Variants in PRKD1 observed in about 807,000 individuals in gnomAD.
PRKD1 encodes the protein protein kinase D1.
Under a neutral mutation model 95.9 loss-of-function variants are expected in PRKD1, and 63 were observed. The observed-to-expected ratio is 0.66, with a 90% CI of 0.54 to 0.81. The LOEUF is 0.81. Among genes scored for constraint, PRKD1 ranks in the 30% least tolerant of loss-of-function variants. PRKD1 has a pLI of 0.00. For missense variants in PRKD1, 1,048 were observed against 1,165.3 expected (o/e 0.90, Z 1.47); for synonymous variants, 425 against 423.1 (o/e 1.00, Z -0.05).
At chr14:29,677,043 A>G (rs1457671584) in intron 2 of PRKD1, among the ~76,000 whole-genome samples, 1 of 152,232 alleles carries the variant, frequency 6.6e-6, no homozygotes, top group Non-Finnish European at 1.5e-5. Flanking sequence ...GATTCCAGAA[A>G]GTTGAACTGG....
At chr14:29,737,813 C>G (rs1055346844) in intron 1 of PRKD1, among the ~76,000 whole-genome samples, 1 of 152,310 alleles carries the variant, frequency 6.6e-6, no homozygotes, top group Admixed American at 6.5e-5. Context: ...AGAACCAAGA[C>G]AGCAATCATA....
intron 1 of PRKD1, among the ~76,000 whole-genome samples, chr14:29,887,500 T>A (rs972876589): frequency 6.6e-6 from 1 of 152,184 alleles, no homozygotes; most frequent in African/African-American, 2.4e-5. Context: ...AGCACTAATC[T>A]ATAGAAGAAA....
chr14:29,744,095 G>T (rs958486921), intron 1 of PRKD1, among the ~76,000 whole-genome samples: 1 of 152,068 alleles, frequency 6.6e-6, no homozygotes, highest in Non-Finnish European at 1.5e-5. Context: ...TTATACTCGG[G>T]TGACACAAAT....
In PRKD1 at chr14:29,600,978, T is replaced by A. The variant is rs1252318499; in HGVS notation, c.1906-1161A>T. Among the ~76,000 whole-genome samples, 3 of 151,796 alleles carry A rather than the reference T, an allele frequency of 2.0e-5. No homozygotes were observed. The East Asian group carries it at 5.8e-4, about 29-fold the overall frequency. On this transcript the variant is annotated intron_variant, in intron 13 of 17. Transcript: ENST00000331968. ...ATGAGCAAGAGAAGAAAAATCATCA[T>A]GAACAAAAACCACCTAAACAAAAAA...
chr14:29,782,905 A>G (rs1469445768), intron 1 of PRKD1, among the ~76,000 whole-genome samples: 1 of 152,206 alleles, frequency 6.6e-6, no homozygotes, highest in Non-Finnish European at 1.5e-5. Context: ...ATTGATATGT[A>G]ATATTGTACA....
intron 1 of PRKD1, among the ~76,000 whole-genome samples, chr14:29,866,440 T>G (rs1187135791): frequency 6.6e-6 from 1 of 152,226 alleles, no homozygotes; most frequent in Non-Finnish European, 1.5e-5. Context: ...ATTTTCCCCA[T>G]GTCTTTCCTA....
chr14:29,753,971 G>C (rs1042454048), intron 1 of PRKD1, among the ~76,000 whole-genome samples: 29 of 152,144 alleles, frequency 1.9e-4, no homozygotes, highest in African/African-American at 6.0e-4. Context: ...CTGAGTTACA[G>C]TATTCATTTA....
intron 2 of PRKD1, among the ~76,000 whole-genome samples, chr14:29,666,837 T>G (rs2139221206): frequency 6.6e-6 from 1 of 152,264 alleles, no homozygotes; most frequent in South Asian, 2.1e-4. Flanking sequence ...ATACATACGC[T>G]GGTGAACTGC....
At chr14:29,863,979 C>G (rs1464332123) in intron 1 of PRKD1, among the ~76,000 whole-genome samples, 1 of 151,824 alleles carries the variant, frequency 6.6e-6, no homozygotes, top group African/African-American at 2.4e-5. Context: ...TTATGGTAAA[C>G]CTGAAGTTAA....
chr14:29,913,545 T>G (rs1048193452), intron 1 of PRKD1, among the ~76,000 whole-genome samples: 4 of 152,150 alleles, frequency 2.6e-5, no homozygotes, highest in African/African-American at 9.7e-5. Flanking sequence ...CTCAAAGAAT[T>G]GAAAAAAAGG....
intron 1 of PRKD1, among the ~76,000 whole-genome samples, chr14:29,897,974 T>C (rs1894190735): frequency 6.6e-6 from 1 of 152,036 alleles, no homozygotes; most frequent in South Asian, 2.1e-4. Context: ...AAAGAAAATG[T>C]TATATATTAT....
intron 1 of PRKD1, among the ~76,000 whole-genome samples, chr14:29,728,324 G>C (rs370157505): frequency 1.3e-4 from 20 of 152,240 alleles, no homozygotes; most frequent in African/African-American, 4.6e-4. Context: ...ATTGATATAA[G>C]TGGATAAATC....
At chr14:29,600,322 CT>C (rs1893470300) in intron 13 of PRKD1, among the ~76,000 whole-genome samples, 1 of 152,006 alleles carries the variant, frequency 6.6e-6, no homozygotes, top group Admixed American at 6.6e-5. Flanking sequence ...GACAGAAACT[CT>C]TATACTAAGT....
At chr14:29,605,407 C>T (rs1566480837) in intron 13 of PRKD1, among the ~76,000 whole-genome samples, 1 of 152,068 alleles carries the variant, frequency 6.6e-6, no homozygotes, top group Non-Finnish European at 1.5e-5. Context: ...TTTTGCCACC[C>T]TAAAACCATT....
At chr14:29,922,300 C>CA (rs749652649) in intron 1 of PRKD1, among the ~76,000 whole-genome samples, 7,599 of 73,342 alleles carry the variant, frequency 0.1, 690 homozygotes, top group African/African-American at 0.3. Context: ...GACTCCATCT[C>CA]AAAAAAAAAA....
At chr14:29,611,744 AC>A (rs1203839222) in intron 13 of PRKD1, among the ~76,000 whole-genome samples, 1 of 105,608 alleles carries the variant, frequency 9.5e-6, no homozygotes, top group African/African-American at 2.9e-5. Context: ...GTGAATTATT[AC>A]CAAAAAAAAA....
chr14:29,766,540 T>A (rs1032160000), intron 1 of PRKD1, among the ~76,000 whole-genome samples: 2 of 152,232 alleles, frequency 1.3e-5, no homozygotes, highest in Non-Finnish European at 2.9e-5. Flanking sequence ...ACAGTGCTGA[T>A]AATATGTTAA....
intron 1 of PRKD1, among the ~76,000 whole-genome samples, chr14:29,803,473 T>A (rs1277119439): frequency 6.6e-6 from 1 of 152,214 alleles, no homozygotes; most frequent in African/African-American, 2.4e-5. Flanking sequence ...ATTAGCATAC[T>A]CAACTTGTTA....
chr14:29,717,195 T>C (rs1451009591), intron 2 of PRKD1, among the ~76,000 whole-genome samples: 1 of 152,178 alleles, frequency 6.6e-6, no homozygotes, highest in African/African-American at 2.4e-5. Flanking sequence ...TAAATAGATA[T>C]TGATTGCATG....
Sources: gnomAD v4.1 joint callset for allele counts (sites outside exome capture counted in the v4.1 genomes callset) on GRCh38, gnomAD v4.1.1 for gene constraint, MANE v1.5 for transcripts, NCBI Gene and HGNC (gene_info 2026-07-23, HGNC 2026-07-21) for gene names.